TCF12: variants seen among roughly 807,000 people sequenced by gnomAD.
TCF12 encodes transcription factor 12.
TCF12 carries 45 observed loss-of-function variants against 86.0 expected under a neutral mutation model. That is an observed-to-expected ratio of 0.52 (90% CI 0.41 to 0.67). TCF12 has a LOEUF of 0.67. Among genes scored for constraint, TCF12 ranks in the 30% least tolerant of loss-of-function variants. The pLI is 0.00. For missense variants in TCF12, 881 were observed against 859.9 expected, an observed-to-expected ratio of 1.02 and a Z score of -0.31; for synonymous variants, 330 against 299.6, an observed-to-expected ratio of 1.10 and a Z score of -1.05.
chr15:56,964,911 C>G (rs2061935246), intron 3 of TCF12, among the ~76,000 whole-genome samples: 1 of 152,168 alleles, frequency 6.6e-6, no homozygotes, highest in African/African-American at 2.4e-5. Flanking sequence ...AGATAATGTC[C>G]TGTATCAGGG....
At chr15:57,247,143 C>T (rs2059902273) in intron 13 of TCF12, 1 of 560,616 alleles carries the variant, frequency 1.8e-6, no homozygotes, top group African/African-American at 1.9e-5. Flanking sequence ...TCCTTCACTC[C>T]ACCGTCACTC....
At chr15:57,183,336 C>T (rs2056472290) in intron 6 of TCF12, among the ~76,000 whole-genome samples, 1 of 152,168 alleles carries the variant, frequency 6.6e-6, no homozygotes, top group East Asian at 1.9e-4. Flanking sequence ...CAAATGCACA[C>T]ACTTTTGCTA....
chr15:57,105,538 G>A (rs1263850621), intron 5 of TCF12, among the ~76,000 whole-genome samples: 5 of 151,878 alleles, frequency 3.3e-5, no homozygotes, highest in Non-Finnish European at 7.4e-5. Context: ...TCAGCCTCCC[G>A]AATAGCTAGG....
intron 2 of TCF12, 59 bp downstream of exon 2, chr15:56,920,047 T>C (rs1453276118): frequency 1.2e-5 from 19 of 1,599,306 alleles, no homozygotes; most frequent in Non-Finnish European, 1.6e-5. Context: ...TGTTTGTTTG[T>C]TTGTTTCTTT....
chr15:56,967,405 G>C (rs2585081), intron 3 of TCF12, among the ~76,000 whole-genome samples: 3,778 of 152,196 alleles, frequency 0.025, 156 homozygotes, highest in African/African-American at 0.086. Context: ...GGTATTGGAT[G>C]GAACATAATT....
At chr15:57,198,590 C>T (rs370461076) in intron 8 of TCF12, among the ~76,000 whole-genome samples, 1 of 152,112 alleles carries the variant, frequency 6.6e-6, no homozygotes, top group African/African-American at 2.4e-5. Context: ...GAACCTGCAT[C>T]GTAAATCTAC....
intron 4 of TCF12, among the ~76,000 whole-genome samples, chr15:57,078,374 T>C (rs1260100372): frequency 3.9e-5 from 6 of 152,174 alleles, no homozygotes; most frequent in African/African-American, 1.2e-4. Context: ...CCAATGGTAC[T>C]AATCAAACCT....
At chr15:56,947,954 C>G (rs1487110532) in intron 3 of TCF12, among the ~76,000 whole-genome samples, 3 of 152,078 alleles carry the variant, frequency 2.0e-5, no homozygotes, top group Non-Finnish European at 4.4e-5. Context: ...ATGTAATTGA[C>G]AGGAACTTAT....
intron 8 of TCF12, among the ~76,000 whole-genome samples, chr15:57,229,433 C>G (rs1466852892): frequency 1.3e-5 from 2 of 151,668 alleles, no homozygotes; most frequent in Non-Finnish European, 3.0e-5. Flanking sequence ...TAAGACTTCT[C>G]AGGTACCACA....
chr15:56,928,341 T>C (rs2060105647), intron 3 of TCF12, among the ~76,000 whole-genome samples: 3 of 152,216 alleles, frequency 2.0e-5, no homozygotes, highest in South Asian at 4.1e-4. Context: ...GTAATACTAG[T>C]GATTATATTA....
chr15:57,282,311 A>C, intron 19 of TCF12, 134 bp from the exon 20 acceptor site: 1 of 1,017,752 alleles, frequency 9.8e-7, no homozygotes, highest in South Asian at 1.5e-5. Flanking sequence ...GTTTTATGTG[A>C]GCACATTGTT....
At chr15:57,244,809 G>A (rs1034193761) in intron 13 of TCF12, among the ~76,000 whole-genome samples, 2 of 151,842 alleles carry the variant, frequency 1.3e-5, no homozygotes, top group African/African-American at 2.4e-5. Context: ...GTTTAGACAA[G>A]TTCTAAATAC....
chr15:56,935,291 C>T (rs1344793530), intron 3 of TCF12, among the ~76,000 whole-genome samples: 1 of 152,062 alleles, frequency 6.6e-6, no homozygotes, highest in Non-Finnish European at 1.5e-5. Flanking sequence ...GCTTACACGA[C>T]AGAAATTTAT....
chr15:57,024,041 T>G (rs1184806621), intron 3 of TCF12, among the ~76,000 whole-genome samples: 1 of 152,102 alleles, frequency 6.6e-6, no homozygotes, highest in Non-Finnish European at 1.5e-5. Flanking sequence ...TACCTCCTAC[T>G]GTGGAGCCTG....
intron 5 of TCF12, among the ~76,000 whole-genome samples, chr15:57,155,365 A>T (rs2054043993): frequency 6.6e-6 from 1 of 152,170 alleles, no homozygotes; most frequent in African/African-American, 2.4e-5. Flanking sequence ...TTGGATTATG[A>T]CCCATCAAGA....
intron 3 of TCF12, among the ~76,000 whole-genome samples, chr15:56,937,660 C>A (rs559664976): frequency 1.3e-3 from 191 of 151,914 alleles, no homozygotes; most frequent in Middle Eastern, 3.4e-3. Flanking sequence ...TTTCCCTGTT[C>A]AGTATTATGT....
At chr15:57,105,627 G>A (rs1315270641) in intron 5 of TCF12, among the ~76,000 whole-genome samples, 2 of 152,088 alleles carry the variant, frequency 1.3e-5, no homozygotes, top group African/African-American at 2.4e-5. Flanking sequence ...GGCCAGGCTG[G>A]CCTCGAACTC....
chr15:57,012,931 G>C (rs1425641577), intron 3 of TCF12, among the ~76,000 whole-genome samples: 1 of 151,994 alleles, frequency 6.6e-6, no homozygotes, highest in Non-Finnish European at 1.5e-5. Flanking sequence ...TTCTGTGATC[G>C]AGAGTAAGAG....
At chr15:56,951,551 A>G (rs2061277156) in intron 3 of TCF12, among the ~76,000 whole-genome samples, 1 of 152,114 alleles carries the variant, frequency 6.6e-6, no homozygotes, top group South Asian at 2.1e-4. Flanking sequence ...ATTTTGGTGA[A>G]GTTCAGTTTA....
Sources: allele counts gnomAD v4.1 joint callset (sites outside exome capture counted in the v4.1 genomes callset), GRCh38; gene constraint gnomAD v4.1.1; transcripts MANE v1.5; gene names NCBI Gene and HGNC (gene_info 2026-07-23, HGNC 2026-07-21).